The following MTMR7 variants were observed in gnomAD, a reference collection of about 807,000 sequenced individuals.
MTMR7 encodes phosphatidylinositol-3-phosphate phosphatase MTMR7.
In MTMR7, 76 loss-of-function variants were observed where a neutral mutation model predicts 81.2. The ratio of observed to expected loss-of-function variants is 0.94; its 90% CI spans 0.78 to 1.13. The LOEUF is 1.13. Among genes scored for constraint, MTMR7 ranks in the 50% most tolerant of loss-of-function variants. The probability of loss-of-function intolerance (pLI) is 0.00; values close to 1 mark genes in which losing one functional copy is unlikely to be tolerated. For synonymous variants in MTMR7, 372 were observed against 289.8 expected, an observed-to-expected ratio of 1.28 and a Z score of -2.88; for missense variants, 1,044 against 820.0, an observed-to-expected ratio of 1.27 and a Z score of -3.34.
intron 1 of MTMR7, among the ~76,000 whole-genome samples, chr8:17,411,690 C>G (rs76407634): frequency 6.6e-6 from 1 of 152,182 alleles, no homozygotes; most frequent in Non-Finnish European, 1.5e-5. Context: ...AAGTACTGCA[C>G]TGCTTAGAGG....
rs759992171 is a variant in MTMR7 at position 17,371,112 on chromosome 8, T to A, written c.235A>T (p.Ile79Leu). ...TCCTGAGGTATGATGAGCTGTATTA[T>A]CTGAAAGTTCTTGCAGCGAATCAGC... is the stretch of plus-strand genomic sequence containing the variant. ...PLLIRCKNFQIIQLIIPQERD... is the reference protein window; with the variant it reads ...PLLIRCKNFQLIQLIIPQERD... Residue 79 changes from isoleucine to leucine, a missense_variant, in exon 3 of 14, where the codon ATA becomes TTA. Ile to Leu is a conservative substitution (Grantham distance 5). Coordinates refer to ENST00000180173, the MANE Select transcript of MTMR7 (RefSeq NM_004686.5). 1.2e-6 allele frequency: 2 copies of A among 1,614,240 alleles called. No individual in the cohort carries two copies. The highest frequency in any genetic ancestry group is 1.7e-6 in the Non-Finnish European group (2 of 1,180,030).
At chr8:17,404,632 A>G (rs964931832) in intron 1 of MTMR7, among the ~76,000 whole-genome samples, 2 of 152,180 alleles carry the variant, frequency 1.3e-5, no homozygotes, top group African/African-American at 4.8e-5. Flanking sequence ...TTCCTCTGCC[A>G]TACTAGCAGA....
intron 1 of MTMR7, among the ~76,000 whole-genome samples, chr8:17,399,631 A>C (rs976989053): frequency 3.3e-5 from 5 of 152,176 alleles, no homozygotes; most frequent in African/African-American, 2.4e-5. Context: ...AAAAATCCTG[A>C]AAGTTATATA....
chr8:17,313,204 C>T, intron 8 of MTMR7, 88 bp downstream of exon 8: 1 of 915,998 alleles, frequency 1.1e-6, no homozygotes, highest in South Asian at 1.5e-5. Context: ...CAGCTTAAGA[C>T]AGGGAAGCCC....
At chr8:17,340,180 C>T (rs1031756792) in intron 6 of MTMR7, among the ~76,000 whole-genome samples, 10 of 152,300 alleles carry the variant, frequency 6.6e-5, no homozygotes, top group Middle Eastern at 3.4e-3. Flanking sequence ...CTCAAACTCC[C>T]GACCTCAGAT....
Position 17,296,867 on chromosome 8 carries a change from C to G in MTMR7, c.*2995G>C, listed in dbSNP as rs536994955. On this transcript the variant is annotated 3_prime_UTR_variant, in exon 14 of 14. Transcript: ENST00000180173. ...TCATTCTATACCATTCATTGGATAA[C>G]CTTGTTACAACCCAGTCATGAAACA... 5 of 152,188 alleles carry G rather than the reference C, an allele frequency of 3.3e-5. No homozygotes were observed. In the East Asian group the frequency reaches 9.7e-4, roughly 29 times the overall value. The allele number at this position is 152,188 out of a possible 1,614,324, so 9.4% of individuals were successfully genotyped here. A position where few individuals can be genotyped will look rare whatever the true frequency, so the allele number is the denominator to read the frequency against.
Position 17,297,960 on chromosome 8 carries a change from A to T in MTMR7, c.*1902T>A, listed in dbSNP as rs1816832547. 3 of 152,232 alleles carry T rather than the reference A, an allele frequency of 2.0e-5. No homozygotes were observed. The South Asian group carries it at 6.2e-4, about 32-fold the overall frequency. 9.4% of individuals were successfully genotyped at this position (152,232 alleles called of 1,614,324 possible). ...GGAAGTTGTCATATTAAAAAACTAC[A>T]TTTTAAAACATCAAATATTTATACT... On this transcript the variant is annotated 3_prime_UTR_variant, in exon 14 of 14. Transcript: ENST00000180173.
chr8:17,369,718 T>C (rs1229423949), intron 3 of MTMR7, among the ~76,000 whole-genome samples: 1 of 144,790 alleles, frequency 6.9e-6, no homozygotes, highest in Non-Finnish European at 1.5e-5. Flanking sequence ...AGATCTCAGC[T>C]CTCTGCAACC....
At position 17,305,833 on chromosome 8, in the gene MTMR7, G is replaced by C. The variant is rs1285232350; in HGVS notation, c.1276C>G (p.His426Asp). 2.5e-6 allele frequency: 4 copies of C among 1,613,468 alleles called. No individual in the cohort carries two copies. The highest frequency in any genetic ancestry group is 3.4e-6 in the Non-Finnish European group (4 of 1,179,656). Residue 426 changes from histidine (H) to aspartate (D), a missense_variant, in exon 11 of 14, where the codon CAC becomes GAC. By Grantham distance (81) the His-to-Asp change is moderately conservative (BLOSUM62 -1). Coordinates refer to ENST00000180173, the MANE Select transcript of MTMR7 (RefSeq NM_004686.5). ...AFEFNERFLI[H>D]IQHHIYSCQF... ...CAGGAATAAATGTGATGTTGAATGT[G>C]AATCAAAAACCTCTCATTGAACTCA...
intron 4 of MTMR7, 85 bp from the exon 5 acceptor site, chr8:17,349,166 T>C: frequency 6.7e-7 from 1 of 1,499,658 alleles, no homozygotes; most frequent in Non-Finnish European, 9.2e-7. Flanking sequence ...TCACCACGCT[T>C]ACAGGTACAT....
chr8:17,350,679 G>T (rs927200177), intron 4 of MTMR7, among the ~76,000 whole-genome samples: 2 of 152,176 alleles, frequency 1.3e-5, no homozygotes, highest in African/African-American at 4.8e-5. Flanking sequence ...AGATGGGTTT[G>T]TAGGGGTTGA....
chr8:17,391,862 T>C (rs969027072), intron 1 of MTMR7, among the ~76,000 whole-genome samples: 10 of 152,194 alleles, frequency 6.6e-5, no homozygotes, highest in African/African-American at 2.4e-4. Flanking sequence ...GTGGGGGTTA[T>C]TTTTAAACCA....
chr8:17,304,544 A>T, intron 11 of MTMR7, 25 bp from the exon 12 acceptor site: 1 of 1,604,974 alleles, frequency 6.2e-7, no homozygotes, highest in Non-Finnish European at 8.5e-7. Context: ...ATAAGTCTAT[A>T]AATGACCTAT....
intron 10 of MTMR7, among the ~76,000 whole-genome samples, chr8:17,308,173 A>G (rs1229990722): frequency 1.3e-5 from 2 of 151,974 alleles, no homozygotes; most frequent in Non-Finnish European, 2.9e-5. Context: ...TTTACTGCAA[A>G]TCAAAAAAAA....
At chr8:17,313,152 A>G in intron 8 of MTMR7, 140 bp downstream of exon 8, 1 of 532,636 alleles carries the variant, frequency 1.9e-6, no homozygotes, top group South Asian at 3.5e-5. Flanking sequence ...CAGCGCACAG[A>G]CTACGGAGCT....
chr8:17,364,912 A>G (rs560945641), intron 3 of MTMR7, among the ~76,000 whole-genome samples: 2 of 152,238 alleles, frequency 1.3e-5, no homozygotes, highest in Admixed American at 6.5e-5. Context: ...ACCGATTTCA[A>G]TCTTTCCAGT....
In MTMR7 at chr8:17,299,981, C is replaced by T. The variant is rs1352321290; in HGVS notation, c.1864G>A (p.Asp622Asn). The change falls in exon 14 of 14, where the codon GAC becomes AAC. Residue 622 changes from aspartate (D) to asparagine (N), a missense_variant. Transcript: ENST00000180173. ...SSDPDLSANS[D>N]QESGVEDLSC... ...AAATCCTCCACCCCGGACTCTTGGT[C>T]ACTGTTGGCTGACAGATCTGGATCT... 1 of 1,614,166 alleles carries T rather than the reference C, an allele frequency of 6.2e-7. No homozygotes were observed. The highest frequency in any genetic ancestry group is 8.5e-7 in the Non-Finnish European group (1 of 1,180,022).
chr8:17,318,183 A>C (rs1200488021), intron 7 of MTMR7, among the ~76,000 whole-genome samples: 3 of 152,120 alleles, frequency 2.0e-5, no homozygotes, highest in Non-Finnish European at 2.9e-5. Context: ...CTAGTCTCAC[A>C]CATGTTTGGG....
Position 17,341,394 on chromosome 8 carries a change from T to A in MTMR7, c.701A>T (p.Asp234Val). 1 of 1,614,160 alleles carries A rather than the reference T, an allele frequency of 6.2e-7. No individual in the cohort carries two copies. The highest frequency in any genetic ancestry group is 8.5e-7 in the Non-Finnish European group (1 of 1,180,010). Reference protein sequence around the residue: ...QAIRKANPGSDFVYVVDTRPK... With the variant: ...QAIRKANPGSVFVYVVDTRPK... ...CCGGGTGTCAACGACATAAACGAAG[T>A]CACTTCCTGGATTGGCTTTCCTAAT... The change falls in exon 6 of 14, where the codon GAC becomes GTC. Residue 234 changes from aspartate (D) to valine (V), a missense_variant. Coordinates refer to ENST00000180173, the MANE Select transcript of MTMR7 (RefSeq NM_004686.5).
Sources: allele counts gnomAD v4.1 joint callset (sites outside exome capture counted in the v4.1 genomes callset), GRCh38; gene constraint gnomAD v4.1.1; transcripts MANE v1.5; gene names NCBI Gene and HGNC (gene_info 2026-07-23, HGNC 2026-07-21).